FHL2: variants seen among roughly 807,000 people sequenced by gnomAD.
FHL2 encodes four and a half LIM domains protein 2.
Under a neutral mutation model 32.7 loss-of-function variants are expected in FHL2, and 20 were observed. That is an observed-to-expected ratio of 0.61 (90% CI 0.43 to 0.89). The LOEUF (loss-of-function observed/expected upper bound fraction) is 0.89. Ranked by LOEUF, FHL2 falls within the 40% of genes least tolerant of loss-of-function variation. FHL2 has a pLI of 0.00. For missense variants in FHL2, 311 were observed against 358.6 expected (o/e 0.87, Z 1.07); for synonymous variants, 123 against 128.1 (o/e 0.96, Z 0.27).
chr2:105,408,053 G>T (rs572821487), intron 1 of FHL2, among the ~76,000 whole-genome samples: 8 of 152,244 alleles, frequency 5.3e-5, no homozygotes, highest in South Asian at 4.1e-4. Flanking sequence ...TTCCATAAAG[G>T]TTCTTTCATC....
chr2:105,381,250 C>A (rs1314860929), intron 3 of FHL2, among the ~76,000 whole-genome samples: 1 of 152,196 alleles, frequency 6.6e-6, no homozygotes, highest in African/African-American at 2.4e-5. Flanking sequence ...AGGTTTCCAA[C>A]TGTACATTCT....
upstream of FHL2, among the ~76,000 whole-genome samples, chr2:105,401,898 A>G (rs1169577166): frequency 1.3e-5 from 2 of 151,988 alleles, no homozygotes; most frequent in African/African-American, 4.8e-5. Context: ...GCTAGGGGTC[A>G]TGGGGTGGAA....
chr2:105,411,271 T>C (rs184714821), intron 1 of FHL2, among the ~76,000 whole-genome samples: 433 of 152,322 alleles, frequency 2.8e-3, no homozygotes, highest in Non-Finnish European at 4.0e-3. Flanking sequence ...TTCCTAGTAT[T>C]ATCTTTGAGT....
upstream of FHL2, among the ~76,000 whole-genome samples, chr2:105,400,487 G>A (rs1202877079): frequency 1.3e-5 from 2 of 151,892 alleles, no homozygotes; most frequent in African/African-American, 2.4e-5. Flanking sequence ...TTGAAATTCA[G>A]AGCAAAGTTT....
chr2:105,399,141 C>T, upstream of FHL2: 13 of 1,371,582 alleles, frequency 9.5e-6, no homozygotes, highest in Non-Finnish European at 1.1e-5. Context: ...TGGCACCGGG[C>T]GTGGGGCGCG....
chr2:105,378,454 TCCTGCCAGATGCTG>T (rs1256949433), intron 3 of FHL2: 1 of 282,996 alleles, frequency 3.5e-6, no homozygotes, highest in Non-Finnish European at 6.9e-6. Flanking sequence ...TCGCCTTGGC[TCCTGCCAGATGCTG>T]CCCTTTCCCT....
At chr2:105,435,605 T>A (rs1684585080) in intron 1 of FHL2, among the ~76,000 whole-genome samples, 1 of 151,944 alleles carries the variant, frequency 6.6e-6, no homozygotes, top group East Asian at 1.9e-4. Context: ...GTGGATCACC[T>A]GGGATCAGGA....
Position 105,361,234 on chromosome 2 carries a change from A to G in FHL2, c.*49T>C. ...AGATTGCCTGGGTGAGAAAGAAAACATAAAAATCTGTGTGTGAGATCACAA... is the reference window on the plus strand; with the variant it reads ...AGATTGCCTGGGTGAGAAAGAAAACGTAAAAATCTGTGTGTGAGATCACAA... On this transcript the variant is annotated 3_prime_UTR_variant, in exon 7 of 7. Transcript: ENST00000530340. 5.1e-6 allele frequency: 8 copies of G among 1,576,700 alleles called. No individual in the cohort carries two copies. Among genetic ancestry groups the G allele is most frequent in the Middle Eastern group, 1.7e-4 (1 of 5,892 alleles).
upstream of FHL2, among the ~76,000 whole-genome samples, chr2:105,399,908 G>C (rs141968068): frequency 6.6e-6 from 1 of 152,292 alleles, no homozygotes; most frequent in African/African-American, 2.4e-5. Context: ...TTGGGGGCAG[G>C]TGTATTATTT....
rs770706113 is a variant in FHL2, at chr2:105,361,318, C to A, written c.805G>T (p.Asp269Tyr). Residue 269 changes from aspartate to tyrosine, a missense_variant, in exon 7 of 7, where the codon GAC becomes TAC. Asp to Tyr is a radical substitution (Grantham distance 160, BLOSUM62 -3). Coordinates refer to ENST00000530340, the MANE Select transcript of FHL2 (RefSeq NM_001318895.3). The stretch of plus-strand genomic sequence containing the variant: ...TTCCCACAGTCGGGGCACAGGATGT[C>A]GTCCCTCTCTGTGAGGAAGCCACGC... The part of the protein sequence containing the change: ...VGRGFLTERD[D>Y]ILCPDCGKDI 6.2e-7 allele frequency: 1 copy of A among 1,613,952 alleles called. No individual in the cohort carries two copies. The highest frequency in any genetic ancestry group is 8.5e-7 in the Non-Finnish European group (1 of 1,179,956).
At chr2:105,413,399 C>T (rs1683850498) in intron 1 of FHL2, among the ~76,000 whole-genome samples, 1 of 152,186 alleles carries the variant, frequency 6.6e-6, no homozygotes, top group South Asian at 2.1e-4. Flanking sequence ...AACAGCACCG[C>T]TCCCTGGAGC....
chr2:105,388,747 T>A (rs1246281372), intron 2 of FHL2, among the ~76,000 whole-genome samples: 2 of 151,616 alleles, frequency 1.3e-5, no homozygotes, highest in Non-Finnish European at 2.9e-5. Context: ...GGCAGGAGAA[T>A]CATTTGAACC....
At chr2:105,365,962 T>C (rs1321105018) in intron 5 of FHL2, among the ~76,000 whole-genome samples, 1 of 152,050 alleles carries the variant, frequency 6.6e-6, no homozygotes, top group African/African-American at 2.4e-5. Context: ...CCCAGCACTT[T>C]GGGAGGTGGA....
chr2:105,423,930 A>G (rs57330169), intron 1 of FHL2, among the ~76,000 whole-genome samples: 215 of 152,378 alleles, frequency 1.4e-3, no homozygotes, highest in African/African-American at 4.4e-3. Flanking sequence ...ACCCTAGAAG[A>G]AAACCTAGGC....
Position 105,398,939 on chromosome 2 carries a change from CT to C in FHL2, c.-174del. The C allele has an allele frequency of 6.5e-7, 1 of 1,535,622 alleles. No individual in the cohort carries two copies. The highest frequency in any genetic ancestry group is 1.2e-5 in the South Asian group (1 of 80,838). On this transcript the variant is annotated 5_prime_UTR_variant, in exon 1 of 7. Coordinates refer to ENST00000530340, the MANE Select transcript of FHL2 (RefSeq NM_001318895.3). Reference sequence around the variant, plus strand: ...CTGGTGGCTAAGCCCCTCGGCCTCCCTCCGGGGCGCAGGGGGTTGGAGGTAC... The same window carrying C: ...CTGGTGGCTAAGCCCCTCGGCCTCCCCCGGGGCGCAGGGGGTTGGAGGTAC...
At chr2:105,413,587 C>G (rs1253666637) in intron 1 of FHL2, among the ~76,000 whole-genome samples, 2 of 152,218 alleles carry the variant, frequency 1.3e-5, no homozygotes, top group Non-Finnish European at 2.9e-5. Context: ...GATCCTCCCA[C>G]CTCAGCCTCC....
chr2:105,384,728 G>A (rs544485285), intron 3 of FHL2, among the ~76,000 whole-genome samples: 2 of 152,316 alleles, frequency 1.3e-5, no homozygotes, highest in Admixed American at 6.5e-5. Flanking sequence ...GGCTGGTCTC[G>A]AACTCCCGGC....
upstream of FHL2, chr2:105,399,188 C>A (rs1426912920): frequency 7.0e-6 from 10 of 1,420,272 alleles, no homozygotes; most frequent in South Asian, 1.5e-5. Context: ...GTTGCCGTGC[C>A]CCCGCCCCGG....
chr2:105,429,328 TGGCAAGAG>T (rs1365419543), intron 1 of FHL2, among the ~76,000 whole-genome samples: 2 of 152,208 alleles, frequency 1.3e-5, no homozygotes, highest in African/African-American at 2.4e-5. Flanking sequence ...ACACCTTACA[TGGCAAGAG>T]GGGCTTTGCA....
Sources: gnomAD v4.1 joint callset for allele counts (sites outside exome capture counted in the v4.1 genomes callset) on GRCh38, gnomAD v4.1.1 for gene constraint, MANE v1.5 for transcripts, NCBI Gene and HGNC (gene_info 2026-07-23, HGNC 2026-07-21) for gene names.